Variants in PLEKHG5 observed in about 807,000 individuals in gnomAD.
The protein encoded by PLEKHG5 is pleckstrin homology and RhoGEF domain containing G5.
PLEKHG5 carries 52 observed loss-of-function variants against 103.8 expected under a neutral mutation model. The ratio of observed to expected loss-of-function variants is 0.50; its 90% CI spans 0.40 to 0.63. The LOEUF is 0.63. Ranked by LOEUF, PLEKHG5 falls within the 30% of genes least tolerant of loss-of-function variation. PLEKHG5 has a pLI of 0.00. For synonymous variants in PLEKHG5, 592 were observed against 575.5 expected, an observed-to-expected ratio of 1.03 and a Z score of -0.41; for missense variants, 1,205 against 1,347.6, an observed-to-expected ratio of 0.89 and a Z score of 1.66.
chr1:6,489,935 T>C (rs560354877), intron 1 of PLEKHG5, among the ~76,000 whole-genome samples: 6 of 152,246 alleles, frequency 3.9e-5, no homozygotes, highest in African/African-American at 1.4e-4. Flanking sequence ...TTCCCAGACT[T>C]CCACCAAGGC....
At chr1:6,475,555 G>A in intron 3 of PLEKHG5, 33 bp from the exon 4 acceptor site, 2 of 1,595,994 alleles carry the variant, frequency 1.3e-6, no homozygotes, top group East Asian at 2.2e-5. Flanking sequence ...GAGGCTGGAG[G>A]TGTGGGTGGC....
chr1:6,510,617 C>T (rs1318234646), intron 1 of PLEKHG5, among the ~76,000 whole-genome samples: 1 of 152,188 alleles, frequency 6.6e-6, no homozygotes, highest in African/African-American at 2.4e-5. Flanking sequence ...TGCCTCTGCC[C>T]TCTGGAGGCA....
chr1:6,511,864 A>G (rs4525068), intron 1 of PLEKHG5, among the ~76,000 whole-genome samples: 125,210 of 152,204 alleles, frequency 0.82, 51,611 homozygotes, highest in East Asian at 0.98. Context: ...GCTGGCAGGA[A>G]GCCCAGGGCC....
exon 1 of PLEKHG5, chr1:6,519,855 C>T (rs1476738652): frequency 3.5e-5 from 14 of 403,530 alleles, no homozygotes; most frequent in South Asian, 4.5e-5. Flanking sequence ...TGCCCATTTG[C>T]GCCCTGGAAT....
At chr1:6,480,593 T>C (rs1644874221) in intron 1 of PLEKHG5, among the ~76,000 whole-genome samples, 2 of 151,530 alleles carry the variant, frequency 1.3e-5, no homozygotes. Context: ...TTAGCATACA[T>C]AGATGATTTT....
intron 1 of PLEKHG5, among the ~76,000 whole-genome samples, chr1:6,478,812 T>C (rs1233427588): frequency 6.6e-6 from 1 of 151,410 alleles, no homozygotes; most frequent in Non-Finnish European, 1.5e-5. Context: ...CCCGACTAAT[T>C]TTTGTATTTT....
intron 1 of PLEKHG5, among the ~76,000 whole-genome samples, chr1:6,516,111 T>G (rs1429941449): frequency 6.6e-6 from 1 of 152,162 alleles, no homozygotes. Context: ...GACACAAGAA[T>G]GTCCACTATG....
intron 1 of PLEKHG5, among the ~76,000 whole-genome samples, chr1:6,477,890 TC>T (rs1205901092): frequency 6.6e-6 from 1 of 152,078 alleles, no homozygotes; most frequent in African/African-American, 2.4e-5. Context: ...TTCTTTTTTT[TC>T]TTTTTCTGAG....
chr1:6,471,082 G>T lies in PLEKHG5; in HGVS notation c.1300C>A (p.Pro434Thr). 1.3e-6 allele frequency: 2 copies of T among 1,589,072 alleles called. No individual in the cohort carries two copies. Among genetic ancestry groups the T allele is most frequent in the Non-Finnish European group, 1.7e-6 (2 of 1,168,966 alleles). The change falls in exon 13 of 21, where the codon CCC becomes ACC. Residue 434 changes from proline (P) to threonine (T), a missense_variant. Physicochemically the swap from Pro to Thr is conservative, Grantham distance 38. Coordinates refer to ENST00000377728, the MANE Select transcript of PLEKHG5 (RefSeq NM_020631.6). Reference protein sequence around the residue: ...GFKMFGSLFKPYIRYCMEEEG... With the variant: ...GFKMFGSLFKTYIRYCMEEEG... The stretch of plus-strand genomic sequence containing the variant: ...TCCTCCATGCAGTAGCGGATGTAGG[G>T]CTTGAAGAGCGAGCCGAACTGGCCC...
upstream of PLEKHG5, chr1:6,497,255 G>A (rs1645240759): frequency 2.2e-6 from 2 of 890,888 alleles, no homozygotes. This position sits in a 1 kb window ranked among gnomAD's most constrained non-coding sequence, Gnocchi z 6.1. Flanking sequence ...CCCGGAGGAG[G>A]TTAGGAGCCG....
chr1:6,508,640 G>A (rs1396138274), intron 1 of PLEKHG5, among the ~76,000 whole-genome samples: 1 of 152,362 alleles, frequency 6.6e-6, no homozygotes, highest in African/African-American at 2.4e-5. Context: ...ACTGACGAGC[G>A]ATGCCGCTGA....
Position 6,470,792 on chromosome 1 carries a change from G to T in PLEKHG5, c.1485C>A (p.Leu495=). Residue 495 remains leucine (L), a synonymous_variant, in exon 14 of 21, where the codon CTC becomes CTA. Transcript: ENST00000377728. ...HQRLTKYPLL[L]KSVLRKTEEP... Reference sequence around the variant, plus strand: ...CCTCGGTCTTCCTCAGCACCGACTTGAGCAGCAGCGGGTACTTGGTGAGCC... The same window carrying T: ...CCTCGGTCTTCCTCAGCACCGACTTTAGCAGCAGCGGGTACTTGGTGAGCC... The T allele has an allele frequency of 6.4e-7, 1 of 1,573,842 alleles. No individual in the cohort carries two copies.
exon 1 of PLEKHG5, chr1:6,519,512 G>A (rs1638717071): frequency 1.2e-6 from 2 of 1,613,294 alleles, no homozygotes; most frequent in Non-Finnish European, 1.7e-6. Context: ...CTGAATTCAT[G>A]CTTGACCTCT....
intron 1 of PLEKHG5, among the ~76,000 whole-genome samples, chr1:6,516,802 A>ATG (rs1557774711): frequency 6.8e-6 from 1 of 146,604 alleles, no homozygotes; most frequent in African/African-American, 2.5e-5. Context: ...ATATGTGTAT[A>ATG]TATATGTGTG....
rs1389681894 is a variant in PLEKHG5 at position 6,490,652 on chromosome 1, C to T, written c.-88+985G>A. 3 of 964,424 alleles carry T rather than the reference C, an allele frequency of 3.1e-6. No individual in the cohort carries two copies. The highest frequency in any genetic ancestry group is 3.7e-6 in the Non-Finnish European group (3 of 810,972). The allele number at this position is 964,424 out of a possible 1,614,324, so 59.7% of individuals were successfully genotyped here. A position where few individuals can be genotyped will look rare whatever the true frequency, so the allele number is the denominator to read the frequency against. On this transcript the variant is annotated intron_variant, in intron 1 of 20. Transcript: ENST00000377728. This position sits in a 1 kb window ranked among gnomAD's most constrained non-coding sequence, Gnocchi z 8.0. ...ACCTGGACCGGCCGGGATGTACCAACGGCGCCGCCCGGCTGGGACCGGGGA... is the reference window on the plus strand; with the variant it reads ...ACCTGGACCGGCCGGGATGTACCAATGGCGCCGCCCGGCTGGGACCGGGGA...
chr1:6,467,419 C>A lies in PLEKHG5; in HGVS notation c.*144G>T. 1.1e-6 allele frequency: 1 copy of A among 891,846 alleles called. No homozygotes were observed. The highest frequency in any genetic ancestry group is 1.9e-6 in the Non-Finnish European group (1 of 529,990). 55.2% of individuals were successfully genotyped at this position (891,846 alleles called of 1,614,324 possible). On this transcript the variant is annotated 3_prime_UTR_variant, in exon 21 of 21. Coordinates refer to ENST00000377728, the MANE Select transcript of PLEKHG5 (RefSeq NM_020631.6). The stretch of plus-strand genomic sequence containing the variant: ...CCATCCAGTCCGGCAAAGCGCAAAT[C>A]GGGCCCGGGCGTAGGCAGGGATCCT...
At position 6,487,883 on chromosome 1, in the gene PLEKHG5, G is replaced by A. The variant is rs1645070764; in HGVS notation, c.-88+3754C>T. On this transcript the variant is annotated intron_variant, in intron 1 of 20. Coordinates refer to ENST00000377728, the MANE Select transcript of PLEKHG5 (RefSeq NM_020631.6). The surrounding 1 kb of genome is among the most constrained non-coding windows in gnomAD (Gnocchi z 4.1). ...AGAACAGTCCTGGTGCACAGTAGGT[G>A]CGCTTGGTGGGGATGAGATCAGTGA... is the stretch of plus-strand genomic sequence containing the variant. 6.6e-6 allele frequency among the ~76,000 whole-genome samples: 1 copy of A among 152,194 alleles called. No homozygotes were observed. Among genetic ancestry groups the A allele is most frequent in the South Asian group, 2.1e-4 (1 of 4,832 alleles).
upstream of PLEKHG5, among the ~76,000 whole-genome samples, chr1:6,499,764 C>T (rs1240667572): frequency 1.3e-5 from 2 of 152,036 alleles, no homozygotes; most frequent in Non-Finnish European, 2.9e-5. Flanking sequence ...TGATAGCGTA[C>T]CCTGGACATA....
intron 1 of PLEKHG5, among the ~76,000 whole-genome samples, chr1:6,516,163 C>T (rs763350830): frequency 6.6e-6 from 1 of 152,124 alleles, no homozygotes; most frequent in African/African-American, 2.4e-5. Flanking sequence ...GGCTTCGTGG[C>T]ACACACCCAG....
Sources: gnomAD v4.1 joint callset for allele counts (sites outside exome capture counted in the v4.1 genomes callset) on GRCh38, gnomAD v4.1.1 for gene constraint, Gnocchi (gnomAD v3.1) non-coding constraint, MANE v1.5 for transcripts, NCBI Gene and HGNC (gene_info 2026-07-23, HGNC 2026-07-21) for gene names.